MAU2: variants seen among roughly 807,000 people sequenced by gnomAD.
MAU2 encodes the protein MAU2 sister chromatid cohesion factor.
MAU2 carries 9 observed loss-of-function variants against 89.1 expected under a neutral mutation model. That is an observed-to-expected ratio of 0.10 (90% CI 0.06 to 0.18). MAU2 has a LOEUF of 0.18. MAU2 is among the 10% of genes least tolerant of loss of function. MAU2 has a pLI of 1.00. For synonymous variants in MAU2, 357 were observed against 343.4 expected, an observed-to-expected ratio of 1.04 and a Z score of -0.44; for missense variants, 425 against 803.5, an observed-to-expected ratio of 0.53 and a Z score of 5.69.
At chr19:19,323,632 G>A (rs558887607) in intron 1 of MAU2, among the ~76,000 whole-genome samples, 1 of 152,154 alleles carries the variant, frequency 6.6e-6, no homozygotes, top group East Asian at 1.9e-4. Flanking sequence ...TCAGCCTCCT[G>A]AGTAGTTGGG....
intron 1 of MAU2, among the ~76,000 whole-genome samples, chr19:19,326,392 G>T (rs981492071): frequency 6.7e-6 from 1 of 150,068 alleles, no homozygotes; most frequent in Non-Finnish European, 1.5e-5. Flanking sequence ...GTCTCTACCA[G>T]AAAAAAAAAT....
intron 5 of MAU2, among the ~76,000 whole-genome samples, chr19:19,339,970 C>T (rs2061628018): frequency 6.6e-6 from 1 of 151,818 alleles, no homozygotes; most frequent in Admixed American, 6.6e-5. Flanking sequence ...AGATCAAGAC[C>T]ATCCTGTGAA....
At chr19:19,354,662 CTA>C in intron 17 of MAU2, 1 of 577,488 alleles carries the variant, frequency 1.7e-6, no homozygotes, top group Non-Finnish European at 3.1e-6. Flanking sequence ...GGTTCAGTCT[CTA>C]TAGGACACAG....
intron 6 of MAU2, 70 bp from the exon 7 acceptor site, chr19:19,341,182 C>T (rs562960683): frequency 6.5e-7 from 1 of 1,535,808 alleles, no homozygotes; most frequent in Non-Finnish European, 8.8e-7. Flanking sequence ...GGGCAGGTGA[C>T]CCTGTGCTCC....
intron 16 of MAU2, among the ~76,000 whole-genome samples, chr19:19,351,290 C>T (rs752043846): frequency 1.3e-5 from 2 of 152,046 alleles, no homozygotes; most frequent in South Asian, 2.1e-4. Context: ...TCAAGCGATC[C>T]ACCCACTTCA....
At chr19:19,340,378 A>G (rs540556599) in intron 5 of MAU2, among the ~76,000 whole-genome samples, 21 of 151,670 alleles carry the variant, frequency 1.4e-4, no homozygotes, top group Admixed American at 1.3e-3. Context: ...GGTGGCTCAC[A>G]CCTGTAATCC....
At chr19:19,334,683 G>A (rs937567744) in intron 1 of MAU2, 40 of 834,110 alleles carry the variant, frequency 4.8e-5, no homozygotes, top group Non-Finnish European at 4.0e-5. Flanking sequence ...AGGAGTGGCC[G>A]CTGTTGCCGC....
In MAU2 at chr19:19,355,722, A is replaced by AC. The variant is rs1163763673; in HGVS notation, c.1788dup (p.Val597ArgfsTer21). On this transcript the variant is annotated frameshift_variant, in exon 19 of 19. Coordinates refer to ENST00000262815, the MANE Select transcript of MAU2 (RefSeq NM_015329.4). LOFTEE classifies it high-confidence loss of function. The stretch of plus-strand genomic sequence containing the variant: ...CCTCCCCACAGTGGACAGACGGTCC[A>AC]CCCCCCGTGCAGTTCCAAGCTCAGA... 6.2e-7 allele frequency: 1 copy of AC among 1,608,506 alleles called. No homozygotes were observed.
intron 4 of MAU2, among the ~76,000 whole-genome samples, chr19:19,338,052 GC>G (rs753340125): frequency 4.0e-4 from 61 of 152,220 alleles, no homozygotes; most frequent in Non-Finnish European, 7.3e-4. Flanking sequence ...CCACCACTTA[GC>G]CACCTCCCAT....
At chr19:19,334,391 C>T in intron 1 of MAU2, 10 of 985,806 alleles carry the variant, frequency 1.0e-5, no homozygotes, top group Non-Finnish European at 1.2e-5. Flanking sequence ...CCTCCTGGCC[C>T]CCTGTGTCTT....
chr19:19,346,691 G>A (rs1167383368), intron 12 of MAU2, among the ~76,000 whole-genome samples: 1 of 152,210 alleles, frequency 6.6e-6, no homozygotes, highest in Non-Finnish European at 1.5e-5. Context: ...CAGGGCTTGA[G>A]CTACATAGAT....
rs144827829 is a variant in MAU2, at chr19:19,338,566, G to A, written c.457-279G>A. Among the ~76,000 whole-genome samples, 85 of 152,352 alleles carry A rather than the reference G, an allele frequency of 5.6e-4. 1 individual carries two copies. In the East Asian group the frequency reaches 7.1e-3, roughly 13 times the overall value. On this transcript the variant is annotated intron_variant, in intron 4 of 18. Coordinates refer to ENST00000262815, the MANE Select transcript of MAU2 (RefSeq NM_015329.4). ...TCACACAGCCTTGGGGGTCTGTGCC[G>A]TGAGCCTTGGCTGCTGGTTCTATGC...
rs528396211 is a variant in MAU2 at position 19,337,004 on chromosome 19, T to G, written c.361-166T>G. Among the ~76,000 whole-genome samples, 3 of 152,330 alleles carry G rather than the reference T, an allele frequency of 2.0e-5. No individual in the cohort carries two copies. In the South Asian group the frequency reaches 6.2e-4, roughly 32 times the overall value. ...CCCAGCCAGTGAGTCCAATAAAATA[T>G]CTTTTTTTACTTTTAATAAAGTAAA... On this transcript the variant is annotated intron_variant, in intron 3 of 18. Transcript: ENST00000262815.
chr19:19,354,505 G>C (rs2048154938), intron 17 of MAU2, 60 bp downstream of exon 17: 12 of 1,460,406 alleles, frequency 8.2e-6, no homozygotes, highest in Non-Finnish European at 1.1e-5. Flanking sequence ...AGAGATCAAG[G>C]CTGCTGGGCA....
In MAU2 at chr19:19,340,113, T is replaced by A. The variant is rs1482117976; in HGVS notation, c.552-733T>A. On this transcript the variant is annotated intron_variant, in intron 5 of 18. Transcript: ENST00000262815. ...CCAGGACGCGGAGGTTGCAGTGAGCTGAGATCGCGCCACTGCACTCCAGCC... is the reference window on the plus strand; with the variant it reads ...CCAGGACGCGGAGGTTGCAGTGAGCAGAGATCGCGCCACTGCACTCCAGCC... 2.1e-5 allele frequency among the ~76,000 whole-genome samples: 3 copies of A among 142,922 alleles called. No homozygotes were observed. In the Admixed American group the frequency reaches 2.2e-4, roughly 11 times the overall value. The allele number at this position is 142,922 out of a possible 152,430, so 93.8% of individuals were successfully genotyped here.
Position 19,321,485 on chromosome 19 carries a change from T to A in MAU2, c.276+350T>A, listed in dbSNP as rs1033215582. On this transcript the variant is annotated intron_variant, in intron 1 of 18. Coordinates refer to ENST00000262815, the MANE Select transcript of MAU2 (RefSeq NM_015329.4). ...TGGTGGCGATGGGGACATCACAGGGTCCTGAAGCTATTAGCTCCTCCTGGT... is the reference window on the plus strand; with the variant it reads ...TGGTGGCGATGGGGACATCACAGGGACCTGAAGCTATTAGCTCCTCCTGGT... 6.4e-4 allele frequency: 138 copies of A among 215,228 alleles called. 1 individual carries two copies. The highest frequency in any genetic ancestry group is 3.0e-3 in the Middle Eastern group (2 of 656). 13.3% of individuals were successfully genotyped at this position (215,228 alleles called of 1,614,324 possible).
chr19:19,343,581 TAGGGTG>T (rs894001805), intron 9 of MAU2, among the ~76,000 whole-genome samples: 1 of 152,124 alleles, frequency 6.6e-6, no homozygotes, highest in Non-Finnish European at 1.5e-5. Context: ...CTTGAGCACG[TAGGGTG>T]AGGGTGAGGG....
rs759782384 is a variant in MAU2 at position 19,355,836 on chromosome 19, C to A, written c.*54C>A. 3.3e-6 allele frequency: 5 copies of A among 1,499,878 alleles called. No homozygotes were observed. The highest frequency in any genetic ancestry group is 1.7e-4 in the Middle Eastern group (1 of 5,866). 92.9% of individuals were successfully genotyped at this position (1,499,878 alleles called of 1,614,324 possible). A position where few individuals can be genotyped will look rare whatever the true frequency, so the allele number is the denominator to read the frequency against. ...GGGCCTGCGCGTCTCCGGCTTCCAC[C>A]CAGACGGCACTCAAGCCTGCCCCCG... is the stretch of plus-strand genomic sequence containing the variant. On this transcript the variant is annotated 3_prime_UTR_variant, in exon 19 of 19. Transcript: ENST00000262815.
intron 13 of MAU2, 82 bp from the exon 14 acceptor site, chr19:19,348,807 A>G: frequency 6.8e-7 from 1 of 1,461,404 alleles, no homozygotes; most frequent in African/African-American, 1.4e-5. Context: ...GTGTAGAGAA[A>G]TTCCCATGCA....
Sources: gnomAD v4.1 joint callset for allele counts (sites outside exome capture counted in the v4.1 genomes callset) on GRCh38, gnomAD v4.1.1 for gene constraint, MANE v1.5 for transcripts, NCBI Gene and HGNC (gene_info 2026-07-23, HGNC 2026-07-21) for gene names.